Variants in SYNPR observed in about 807,000 individuals in gnomAD.
SYNPR encodes the protein synaptoporin.
Under a neutral mutation model 32.9 loss-of-function variants are expected in SYNPR, and 23 were observed. The ratio of observed to expected loss-of-function variants is 0.70; its 90% CI spans 0.50 to 0.99. SYNPR has a LOEUF of 0.99. SYNPR is among the 50% of genes least tolerant of loss of function. The probability of loss-of-function intolerance (pLI) is 0.00; values close to 1 mark genes in which losing one functional copy is unlikely to be tolerated. For synonymous variants in SYNPR, 146 were observed against 135.9 expected (o/e 1.07, Z -0.52); for missense variants, 318 against 349.3 (o/e 0.91, Z 0.71).
chr3:63,443,138 C>T (rs926890809), intron 2 of SYNPR: 1 of 1,149,854 alleles, frequency 8.7e-7, no homozygotes. Flanking sequence ...ACCATGGTGG[C>T]AGCCACCTCC....
intron 2 of SYNPR, among the ~76,000 whole-genome samples, chr3:63,441,692 G>T (rs896423530): frequency 4.6e-5 from 7 of 152,204 alleles, no homozygotes; most frequent in Admixed American, 2.6e-4. Context: ...GGCCACAGGG[G>T]AGTGGGGAGG....
At chr3:63,490,252 T>C (rs1382672015) in intron 3 of SYNPR, among the ~76,000 whole-genome samples, 1 of 151,990 alleles carries the variant, frequency 6.6e-6, no homozygotes, top group Non-Finnish European at 1.5e-5. Flanking sequence ...AAACCAGTTT[T>C]GCTGGATTGG....
chr3:63,564,101 GC>G (rs990950202), intron 4 of SYNPR, among the ~76,000 whole-genome samples: 1 of 151,706 alleles, frequency 6.6e-6, no homozygotes, highest in African/African-American at 2.4e-5. Flanking sequence ...ATCATTTGAA[GC>G]CCCAAAAGTG....
intron 4 of SYNPR, among the ~76,000 whole-genome samples, chr3:63,570,658 C>T (rs1243020484): frequency 6.6e-6 from 1 of 152,152 alleles, no homozygotes; most frequent in Non-Finnish European, 1.5e-5. Context: ...CTACCCATGT[C>T]CTTATCCCCA....
At chr3:63,403,647 G>C (rs1269869833) in intron 2 of SYNPR, among the ~76,000 whole-genome samples, 1 of 152,126 alleles carries the variant, frequency 6.6e-6, no homozygotes, top group South Asian at 2.1e-4. Flanking sequence ...GAAATTGGAG[G>C]TTCTAGCCTC....
At chr3:63,357,646 T>A (rs578201599) in intron 2 of SYNPR, among the ~76,000 whole-genome samples, 1 of 152,242 alleles carries the variant, frequency 6.6e-6, no homozygotes, top group Non-Finnish European at 1.5e-5. Flanking sequence ...AGGTAGGAGT[T>A]TTCTAGGTTC....
At chr3:63,577,167 G>A (rs1416157525) in intron 4 of SYNPR, among the ~76,000 whole-genome samples, 1 of 152,198 alleles carries the variant, frequency 6.6e-6, no homozygotes, top group Non-Finnish European at 1.5e-5. Context: ...AAGGTAAACT[G>A]TGAACCAGGG....
intron 5 of SYNPR, chr3:63,610,330 C>A: frequency 2.3e-6 from 1 of 444,062 alleles, no homozygotes. Flanking sequence ...GAAGCTGTAT[C>A]TGAGAAATAC....
intron 2 of SYNPR, among the ~76,000 whole-genome samples, chr3:63,439,972 C>A (rs1166469822): frequency 6.6e-6 from 1 of 152,062 alleles, no homozygotes; most frequent in Non-Finnish European, 1.5e-5. Context: ...TGGTATTAAG[C>A]AAAACAAACA....
At position 63,278,815 on chromosome 3, in the gene SYNPR, G is replaced by T. The variant is rs2086601283; in HGVS notation, c.84+73G>T. 6.8e-6 allele frequency: 10 copies of T among 1,470,712 alleles called. No homozygotes were observed. The South Asian group carries it at 9.7e-5, about 14-fold the overall frequency. The allele number at this position is 1,470,712 out of a possible 1,614,324, so 91.1% of individuals were successfully genotyped here. A position where few individuals can be genotyped will look rare whatever the true frequency, so the allele number is the denominator to read the frequency against. On this transcript the variant is annotated intron_variant, in intron 2 of 5. Coordinates refer to ENST00000478300, the MANE Select transcript of SYNPR (RefSeq NM_001130003.2). ...CAGGTGAGGAGAGGTCGGATGGGGT[G>T]CTCCCTGCTCAGTTCTGCTCCAAGC...
chr3:63,298,849 C>T (rs761138159), intron 2 of SYNPR, among the ~76,000 whole-genome samples: 8 of 152,094 alleles, frequency 5.3e-5, no homozygotes, highest in Non-Finnish European at 1.0e-4. Flanking sequence ...GACTCTGGGA[C>T]CGGTGTAGAA....
chr3:63,411,387 C>T (rs762667911), intron 2 of SYNPR, among the ~76,000 whole-genome samples: 32 of 151,948 alleles, frequency 2.1e-4, no homozygotes, highest in Middle Eastern at 3.2e-3. Context: ...CCTGGCTCCA[C>T]GCTAGGCAGT....
At chr3:63,309,114 C>A (rs1435040338) in intron 2 of SYNPR, among the ~76,000 whole-genome samples, 3 of 151,944 alleles carry the variant, frequency 2.0e-5, no homozygotes, top group African/African-American at 7.2e-5. Flanking sequence ...TTCTTCTACA[C>A]TTCTAATCTG....
chr3:63,424,086 C>T (rs898727229), intron 2 of SYNPR, among the ~76,000 whole-genome samples: 1 of 152,108 alleles, frequency 6.6e-6, no homozygotes, highest in Non-Finnish European at 1.5e-5. Context: ...AGGTTAAAAA[C>T]TAAGAAACTC....
intron 4 of SYNPR, among the ~76,000 whole-genome samples, chr3:63,602,221 G>A (rs1316720829): frequency 2.0e-5 from 3 of 152,060 alleles, no homozygotes; most frequent in African/African-American, 4.8e-5. Context: ...ATTTGTTTAA[G>A]TTCCTTATAG....
chr3:63,265,241 CT>C (rs71126590), intron 2 of SYNPR, among the ~76,000 whole-genome samples: 1,868 of 101,608 alleles, frequency 0.018, 8 homozygotes, highest in African/African-American at 0.059. Context: ...TAATGACATT[CT>C]TTTTTTTTTT....
intron 2 of SYNPR, among the ~76,000 whole-genome samples, chr3:63,295,946 C>T (rs1341633235): frequency 6.6e-6 from 1 of 152,202 alleles, no homozygotes; most frequent in Non-Finnish European, 1.5e-5. Flanking sequence ...TCAGTTTCCT[C>T]TCCCAGGTTG....
chr3:63,381,187 G>T lies in SYNPR; in HGVS notation c.85-99645G>T, dbSNP rs534826741. On this transcript the variant is annotated intron_variant, in intron 2 of 5. Coordinates refer to ENST00000478300, the MANE Select transcript of SYNPR (RefSeq NM_001130003.2). Reference sequence around the variant, plus strand: ...TCAGCCCAAAATCTCCTTAAGCTGAGAAGCAACTTCAGCAAAGTCTCAAGA... The same window carrying T: ...TCAGCCCAAAATCTCCTTAAGCTGATAAGCAACTTCAGCAAAGTCTCAAGA... 4.6e-5 allele frequency among the ~76,000 whole-genome samples: 7 copies of T among 152,266 alleles called. No homozygotes were observed. The East Asian group carries it at 7.7e-4, about 17-fold the overall frequency.
intron 3 of SYNPR, among the ~76,000 whole-genome samples, chr3:63,501,498 A>T (rs1701479494): frequency 8.8e-6 from 1 of 114,024 alleles, no homozygotes; most frequent in Non-Finnish European, 1.8e-5. Context: ...CCCAACCAAA[A>T]AAAAAAAAAA....
Sources: gnomAD v4.1 joint callset for allele counts (sites outside exome capture counted in the v4.1 genomes callset) on GRCh38, gnomAD v4.1.1 for gene constraint, MANE v1.5 for transcripts, NCBI Gene and HGNC (gene_info 2026-07-23, HGNC 2026-07-21) for gene names.